The following MCM5 variants were observed in gnomAD, a reference collection of about 807,000 sequenced individuals.
MCM5 encodes the protein DNA replication licensing factor MCM5.
In MCM5, 46 loss-of-function variants were observed where a neutral mutation model predicts 79.9. That is an observed-to-expected ratio of 0.58 (90% CI 0.45 to 0.74). The LOEUF is 0.74. Among genes scored for constraint, MCM5 ranks in the 30% least tolerant of loss-of-function variants. The probability of loss-of-function intolerance (pLI) is 0.00; values close to 1 mark genes in which losing one functional copy is unlikely to be tolerated. For missense variants in MCM5, 883 were observed against 1,017.0 expected, an observed-to-expected ratio of 0.87 and a Z score of 1.79; for synonymous variants, 404 against 390.5, an observed-to-expected ratio of 1.03 and a Z score of -0.41.
At chr22:35,420,786 A>G (rs1932673602) in intron 14 of MCM5, among the ~76,000 whole-genome samples, 1 of 152,168 alleles carries the variant, frequency 6.6e-6, no homozygotes, top group African/African-American at 2.4e-5. Context: ...ACCTGGTACA[A>G]AAGATGTCTG....
chr22:35,439,016 C>CATCCATCT, the MCM5 span, among the ~76,000 whole-genome samples: 1 of 8,264 alleles, frequency 1.2e-4, no homozygotes, highest in African/African-American at 1.4e-3. Flanking sequence ...TCCATCCATC[C>CATCCATCT]ATCCACATAT....
At chr22:35,446,098 A>G in the MCM5 span, among the ~76,000 whole-genome samples, 1 of 152,222 alleles carries the variant, frequency 6.6e-6, no homozygotes, top group Non-Finnish European at 1.5e-5. Flanking sequence ...TCTCTGTGCC[A>G]GGCTCTGTAC....
At chr22:35,443,336 A>C in the MCM5 span, among the ~76,000 whole-genome samples, 1 of 152,096 alleles carries the variant, frequency 6.6e-6, no homozygotes, top group Admixed American at 6.6e-5. Context: ...ACAGATGTGC[A>C]CCACCACGCC....
chr22:35,444,166 G>GGA, the MCM5 span, among the ~76,000 whole-genome samples: 57,515 of 147,840 alleles, frequency 0.39, 13,334 homozygotes, highest in Non-Finnish European at 0.52. Context: ...CTGACAGGCA[G>GGA]GAGAGAGAGA....
chr22:35,429,471 C>T (rs748071199), downstream of MCM5, among the ~76,000 whole-genome samples: 5 of 151,970 alleles, frequency 3.3e-5, no homozygotes, highest in African/African-American at 9.7e-5. Context: ...TTGATTGTTC[C>T]GGGCTCTGAG....
chr22:35,403,535 G>A lies in MCM5; in HGVS notation c.416G>A (p.Ser139Asn). 1 of 1,613,636 alleles carries A rather than the reference G, an allele frequency of 6.2e-7. No homozygotes were observed. The highest frequency in any genetic ancestry group is 8.5e-7 in the Non-Finnish European group (1 of 1,180,028). Residue 139 changes from serine to asparagine, a missense_variant, in exon 4 of 17, where the codon AGC becomes AAC. Ser to Asn is a conservative substitution (Grantham distance 46). This residue lies in a region of MCM5 where 455 missense variants were observed against 517.5 expected (regional missense o/e 0.88). Transcript: ENST00000216122. The part of the protein sequence containing the change: ...KSDASPSSIR[S>N]LKSDMMSHLV... ...GACGCCAGCCCTTCCAGCATTCGTA[G>A]CCTGAAGGTGGGTCGGAGGGCAGTG... is the stretch of plus-strand genomic sequence containing the variant.
the MCM5 span, among the ~76,000 whole-genome samples, chr22:35,434,918 G>A: frequency 5.3e-5 from 8 of 152,262 alleles, no homozygotes; most frequent in South Asian, 1.7e-3. Context: ...TTGGAAGGTC[G>A]AGGTGGGTGG....
At chr22:35,407,370 T>G (rs1932249708) in intron 5 of MCM5, among the ~76,000 whole-genome samples, 1 of 151,952 alleles carries the variant, frequency 6.6e-6, no homozygotes, top group Non-Finnish European at 1.5e-5. Flanking sequence ...ATCCCCCGCG[T>G]CCACCCTCCA....
Position 35,424,389 on chromosome 22 carries a change from C to A in MCM5, c.*134C>A. 1 of 662,188 alleles carries A rather than the reference C, an allele frequency of 1.5e-6. No individual in the cohort carries two copies. Among genetic ancestry groups the A allele is most frequent in the Non-Finnish European group, 2.5e-6 (1 of 393,566 alleles). The allele number at this position is 662,188 out of a possible 1,614,324, so 41.0% of individuals were successfully genotyped here. On this transcript the variant is annotated 3_prime_UTR_variant, in exon 17 of 17. Coordinates refer to ENST00000216122, the MANE Select transcript of MCM5 (RefSeq NM_006739.4). ...AACTTCCCAGGCACCCTCCTTTCTG[C>A]CCCAGAGGAAGGAGCTGTAGTGTCC...
the MCM5 span, among the ~76,000 whole-genome samples, chr22:35,436,969 C>T: frequency 6.0e-5 from 8 of 133,242 alleles, no homozygotes; most frequent in South Asian, 1.7e-3. Context: ...GACTCAGCCT[C>T]GCGTCACTAG....
chr22:35,409,030 T>G (rs1932299890), intron 6 of MCM5, among the ~76,000 whole-genome samples: 2 of 151,804 alleles, frequency 1.3e-5, no homozygotes, highest in African/African-American at 4.8e-5. Flanking sequence ...TGGCGCGATC[T>G]CGGCTCACTG....
At chr22:35,406,050 A>G (rs1246644226) in intron 4 of MCM5, among the ~76,000 whole-genome samples, 2 of 152,000 alleles carry the variant, frequency 1.3e-5, no homozygotes, top group African/African-American at 2.4e-5. Context: ...TTACTGCCTT[A>G]TTGTCCGGTG....
chr22:35,408,053 T>C (rs1262016000), intron 5 of MCM5, among the ~76,000 whole-genome samples: 2 of 152,220 alleles, frequency 1.3e-5, no homozygotes, highest in Non-Finnish European at 2.9e-5. Flanking sequence ...GGAAAAGATC[T>C]TGGGATTTGA....
downstream of MCM5, among the ~76,000 whole-genome samples, chr22:35,430,150 C>T (rs1293513788): frequency 6.6e-6 from 1 of 152,196 alleles, no homozygotes; most frequent in Non-Finnish European, 1.5e-5. Context: ...TTTCAGGGGC[C>T]TGCAGAGAAT....
the MCM5 span, among the ~76,000 whole-genome samples, chr22:35,453,734 CAG>C: frequency 8.6e-5 from 9 of 104,542 alleles, no homozygotes; most frequent in African/African-American, 1.4e-4. Context: ...GAGAGAATGA[CAG>C]AGTGAATCAG....
chr22:35,416,459 G>A (rs570380151), intron 11 of MCM5, 55 bp downstream of exon 11: 22 of 1,574,192 alleles, frequency 1.4e-5, no homozygotes, highest in South Asian at 7.8e-5. Context: ...TGGCCCAACC[G>A]TCCTCAGGCT....
At chr22:35,453,799 GATATAT>G in the MCM5 span, among the ~76,000 whole-genome samples, 3 of 91,168 alleles carry the variant, frequency 3.3e-5, no homozygotes, top group East Asian at 3.0e-4. Flanking sequence ...AGAGACAAAA[GATATAT>G]ATATATATAT....
rs1932740592 is a variant in MCM5 at position 35,423,280 on chromosome 22, G to A, written c.2042G>A (p.Arg681His). 3.1e-6 allele frequency: 5 copies of A among 1,608,456 alleles called. No homozygotes were observed. Among genetic ancestry groups the A allele is most frequent in the Non-Finnish European group, 4.2e-6 (5 of 1,176,506 alleles). ...MLSRIEKQLK[R>H]RFAIGSQVSE... is the part of the protein sequence containing the mutation. The stretch of plus-strand genomic sequence containing the variant: ...AGCCGCATCGAGAAGCAGCTCAAGC[G>A]CCGCTTTGCCATTGGCTCCCAGGTG... The change falls in exon 16 of 17, where the codon CGC (arginine) becomes CAC (histidine). Residue 681 changes from arginine to histidine, a missense_variant. Arg to His is a conservative substitution (Grantham distance 29). This residue lies in a region of MCM5 where 426 missense variants were observed against 482.3 expected (regional missense o/e 0.88). Coordinates refer to ENST00000216122, the MANE Select transcript of MCM5 (RefSeq NM_006739.4).
the MCM5 span, among the ~76,000 whole-genome samples, chr22:35,454,241 C>G: frequency 6.6e-6 from 1 of 152,138 alleles, no homozygotes; most frequent in Admixed American, 6.5e-5. Flanking sequence ...TGCACGTTCT[C>G]TAAGGCTTCA....
Sources: gnomAD v4.1 joint callset for allele counts (sites outside exome capture counted in the v4.1 genomes callset) on GRCh38, gnomAD v4.1.1 for gene constraint, gnomAD v4.1.1 regional missense constraint, MANE v1.5 for transcripts, NCBI Gene and HGNC (gene_info 2026-07-23, HGNC 2026-07-21) for gene names.